Variants in MGAT4C observed in about 807,000 individuals in gnomAD.
MGAT4C encodes the protein alpha-1,3-mannosyl-glycoprotein 4-beta-N-acetylglucosaminyltransferase C.
Under a neutral mutation model 40.1 loss-of-function variants are expected in MGAT4C, and 19 were observed. The ratio of observed to expected loss-of-function variants is 0.47; its 90% confidence interval spans 0.33 to 0.70. The LOEUF is 0.70. MGAT4C is among the 30% of genes least tolerant of loss of function. MGAT4C has a pLI of 0.02. For missense variants in MGAT4C, 491 were observed against 563.2 expected, an observed-to-expected ratio of 0.87 and a Z score of 1.30; for synonymous variants, 181 against 187.1, an observed-to-expected ratio of 0.97 and a Z score of 0.27.
At position 86,458,242 on chromosome 12, in the gene MGAT4C, A is replaced by C. The variant is rs536659298; in HGVS notation, c.-228-22977T>G. On this transcript the variant is annotated intron_variant, in intron 2 of 7. Transcript: ENST00000548651. ...TAAAACTAAGCCATGCCTGATTTTT[A>C]AAAATTTTTATGTTGTTCTACATCT... Among the ~76,000 whole-genome samples, 7 of 152,318 alleles carry C rather than the reference A, an allele frequency of 4.6e-5. No individual in the cohort carries two copies. In the South Asian group the frequency reaches 1.4e-3, roughly 32 times the overall value.
intron 2 of MGAT4C, among the ~76,000 whole-genome samples, chr12:86,505,581 G>A (rs1400668990): frequency 6.6e-6 from 1 of 152,160 alleles, no homozygotes; most frequent in Admixed American, 6.5e-5. Flanking sequence ...ATCTATAACA[G>A]CAGAGTATAA....
intron 4 of MGAT4C, among the ~76,000 whole-genome samples, chr12:86,306,594 A>T (rs375856120): frequency 5.3e-5 from 8 of 150,464 alleles, no homozygotes; most frequent in East Asian, 1.9e-4. Context: ...TGTGATGATA[A>T]AGCATGTTTT....
At chr12:86,248,745 G>A (rs1246253965) in intron 1 of MGAT4C, among the ~76,000 whole-genome samples, 1 of 151,986 alleles carries the variant, frequency 6.6e-6, no homozygotes, top group African/African-American at 2.4e-5. Flanking sequence ...ATTGTAGATG[G>A]GAGCGGTCAT....
At chr12:86,164,750 C>T (rs1432913736) in intron 1 of MGAT4C, among the ~76,000 whole-genome samples, 1 of 152,050 alleles carries the variant, frequency 6.6e-6, no homozygotes, top group Non-Finnish European at 1.5e-5. Context: ...GAAAAAAATG[C>T]TACTGTTGCA....
intron 1 of MGAT4C, among the ~76,000 whole-genome samples, chr12:86,147,108 G>A (rs1883623759): frequency 6.6e-6 from 1 of 152,068 alleles, no homozygotes; most frequent in South Asian, 2.1e-4. Flanking sequence ...GTGTGTTTAT[G>A]ATTTTTATTT....
At chr12:86,281,540 T>A (rs1205038364) in intron 4 of MGAT4C, among the ~76,000 whole-genome samples, 1 of 151,998 alleles carries the variant, frequency 6.6e-6, no homozygotes, top group Non-Finnish European at 1.5e-5. Context: ...ACTTTTATAT[T>A]TAATTTTTAA....
intron 1 of MGAT4C, among the ~76,000 whole-genome samples, chr12:86,098,083 C>T (rs1190443043): frequency 1.3e-5 from 2 of 151,462 alleles, no homozygotes; most frequent in Non-Finnish European, 3.0e-5. Flanking sequence ...AAAACATTTC[C>T]TAAGAGAAGC....
chr12:86,194,521 C>G (rs889899886), intron 1 of MGAT4C, among the ~76,000 whole-genome samples: 1 of 150,740 alleles, frequency 6.6e-6, no homozygotes, highest in Non-Finnish European at 1.5e-5. Context: ...ATGGTGCGAT[C>G]TTGGCTCAGT....
chr12:86,693,123 T>C (rs1950198781), intron 2 of MGAT4C, among the ~76,000 whole-genome samples: 1 of 152,138 alleles, frequency 6.6e-6, no homozygotes, highest in African/African-American at 2.4e-5. Context: ...TGAGTTAATA[T>C]CTGAAGGGAT....
intron 2 of MGAT4C, among the ~76,000 whole-genome samples, chr12:86,667,981 C>G (rs1213892941): frequency 6.6e-6 from 1 of 152,196 alleles, no homozygotes; most frequent in Non-Finnish European, 1.5e-5. Context: ...TAAATAGCAT[C>G]AGCAACTTGC....
intron 1 of MGAT4C, among the ~76,000 whole-genome samples, chr12:86,184,538 G>C (rs1359157043): frequency 6.6e-6 from 1 of 151,780 alleles, no homozygotes; most frequent in Non-Finnish European, 1.5e-5. Context: ...CTCTTGCTGT[G>C]AGGCTACAGA....
chr12:86,582,222 G>C (rs1415825720), intron 2 of MGAT4C, among the ~76,000 whole-genome samples: 1 of 151,404 alleles, frequency 6.6e-6, no homozygotes, highest in Non-Finnish European at 1.5e-5. Flanking sequence ...GACAATTGTT[G>C]CATCTGCTGA....
chr12:86,021,735 T>A (rs1348966741), intron 2 of MGAT4C, among the ~76,000 whole-genome samples: 1 of 152,116 alleles, frequency 6.6e-6, no homozygotes, highest in Non-Finnish European at 1.5e-5. Flanking sequence ...ACTTAGAGTA[T>A]AATAATAATA....
chr12:86,816,336 G>T (rs951677645), intron 1 of MGAT4C, among the ~76,000 whole-genome samples: 1 of 151,466 alleles, frequency 6.6e-6, no homozygotes, highest in African/African-American at 2.4e-5. Flanking sequence ...TTAAAAATAC[G>T]TTACAAGTTT....
intron 1 of MGAT4C, among the ~76,000 whole-genome samples, chr12:86,780,601 T>TG (rs1159984199): frequency 6.6e-6 from 1 of 152,194 alleles, no homozygotes; most frequent in Non-Finnish European, 1.5e-5. Flanking sequence ...CCATGATTGT[T>TG]AAGTTTCCTG....
At chr12:86,066,934 G>A (rs11117179) in intron 1 of MGAT4C, among the ~76,000 whole-genome samples, 1 of 152,128 alleles carries the variant, frequency 6.6e-6, no homozygotes, top group Non-Finnish European at 1.5e-5. Context: ...AGACATTTAT[G>A]CAGCCTAAAA....
intron 1 of MGAT4C, among the ~76,000 whole-genome samples, chr12:86,054,336 T>C (rs770751351): frequency 1.8e-4 from 28 of 152,034 alleles, no homozygotes; most frequent in Non-Finnish European, 2.9e-5. Context: ...AGATATCACA[T>C]GTTCTCACTA....
At position 86,028,572 on chromosome 12, in the gene MGAT4C, G is replaced by A. The variant is rs895143305; in HGVS notation, c.-7+21102C>T. ...TGTACCTCAGAAATGTTCCCTAACA[G>A]TTTTGATTAAAATTTTAATTGATAA... On this transcript the variant is annotated intron_variant, in intron 2 of 4. Coordinates refer to ENST00000611864, the MANE Select transcript of MGAT4C (RefSeq NM_001351288.2). 1.6e-4 allele frequency among the ~76,000 whole-genome samples: 25 copies of A among 151,864 alleles called. 1 individual carries two copies. The highest frequency in any genetic ancestry group is 7.2e-4 in the Admixed American group (11 of 15,188).
chr12:85,988,750 C>A (rs1469064220), intron 3 of MGAT4C, among the ~76,000 whole-genome samples: 1 of 151,820 alleles, frequency 6.6e-6, no homozygotes, highest in Non-Finnish European at 1.5e-5. Flanking sequence ...AGCGCTTTTG[C>A]ATATTGTCAT....
Sources: allele counts gnomAD v4.1 joint callset (sites outside exome capture counted in the v4.1 genomes callset), GRCh38; gene constraint gnomAD v4.1.1; transcripts MANE v1.5; gene names NCBI Gene and HGNC (gene_info 2026-07-23, HGNC 2026-07-21).